Variants in TNXB observed in about 807,000 individuals in gnomAD.
TNXB encodes tenascin XB, also known as tenascin-X.
In TNXB, 183 loss-of-function variants were observed where a neutral mutation model predicts 340.5. That is an observed-to-expected ratio of 0.54 (90% CI 0.48 to 0.61). The LOEUF (loss-of-function observed/expected upper bound fraction) is 0.61, where lower values mean the gene tolerates loss of function less well. Ranked by LOEUF, TNXB falls within the 20% of genes least tolerant of loss-of-function variation. TNXB has a pLI of 0.00. For synonymous variants in TNXB, 2,121 were observed against 2,314.5 expected, an observed-to-expected ratio of 0.92 and a Z score of 2.40; for missense variants, 4,613 against 5,446.4, an observed-to-expected ratio of 0.85 and a Z score of 4.82.
At position 32,081,501 on chromosome 6, in the gene TNXB, CT is replaced by C. The variant is rs1562851618; in HGVS notation, c.3908del (p.Gln1303ArgfsTer25). ...VQYKDAQGQP[Q>X]AVPVAGDENE... The stretch of plus-strand genomic sequence containing the variant: ...TCTCATCCCCCGCAACAGGCACTGC[CT>C]GGGGCTGCCCCTGTGCATCCTTGTA... On this transcript the variant is annotated frameshift_variant, in exon 10 of 44. Coordinates refer to ENST00000644971, the MANE Select transcript of TNXB (RefSeq NM_001365276.2). LOFTEE classifies it high-confidence loss of function. The surrounding 1 kb of genome is among the most constrained non-coding windows in gnomAD (Gnocchi z 5.1). 1 of 1,607,044 alleles carries C rather than the reference CT, an allele frequency of 6.2e-7. No individual in the cohort carries two copies. The highest frequency in any genetic ancestry group is 1.7e-5 in the Admixed American group (1 of 59,036).
Position 32,046,446 on chromosome 6 carries a change from C to T in TNXB, c.10335G>A (p.Glu3445=). ...CCCCCAGGTGGGGAGGTAGCTCCTTCTCCAGGGGAGCTGTGCAGAGGGAGG... is the reference window on the plus strand; with the variant it reads ...CCCCCAGGTGGGGAGGTAGCTCCTTTTCCAGGGGAGCTGTGCAGAGGGAGG... ...ISADSTTAPL[E]KELPPHLGEL... is the part of the protein sequence containing the mutation. Residue 3445 remains glutamate (E), a synonymous_variant, in exon 31 of 44, where the codon GAG becomes GAA. Transcript: ENST00000644971. This position sits in a 1 kb window ranked among gnomAD's most constrained non-coding sequence, Gnocchi z 6.9. 1 of 1,573,528 alleles carries T rather than the reference C, an allele frequency of 6.4e-7. No homozygotes were observed. Among genetic ancestry groups the T allele is most frequent in the Non-Finnish European group, 8.7e-7 (1 of 1,152,794 alleles).
chr6:32,063,154 G>A (rs1307808010), intron 19 of TNXB, among the ~76,000 whole-genome samples: 1 of 152,180 alleles, frequency 6.6e-6, no homozygotes, highest in Non-Finnish European at 1.5e-5. Context: ...TTGGGAGGCC[G>A]AGGCGGGAGG....
At position 32,062,229 on chromosome 6, in the gene TNXB, T is replaced by C. The variant is rs747759124; in HGVS notation, c.7096A>G (p.Lys2366Glu). ...VTISGLEPDN[K>E]YKMNLYGFHG... ...AAGCCGTACAGGTTCATCTTGTACT[T>C]GTTGTCTGGCTCCAGGCCGGAGATG... is the stretch of plus-strand genomic sequence containing the variant. The change falls in exon 20 of 44, where the codon AAG becomes GAG. Residue 2366 changes from lysine to glutamate, a missense_variant. Coordinates refer to ENST00000644971, the MANE Select transcript of TNXB (RefSeq NM_001365276.2). The surrounding 1 kb of genome is among the most constrained non-coding windows in gnomAD (Gnocchi z 4.3). 1 of 1,613,128 alleles carries C rather than the reference T, an allele frequency of 6.2e-7. No individual in the cohort carries two copies. The highest frequency in any genetic ancestry group is 1.3e-5 in the African/African-American group (1 of 74,906).
At chr6:32,050,407 A>C in intron 26 of TNXB, 86 bp from the exon 27 acceptor site, 2 of 1,527,556 alleles carry the variant, frequency 1.3e-6, no homozygotes, top group Non-Finnish European at 1.8e-6. Context: ...AAAGTGCCCA[A>C]GAACAGGACG....
chr6:32,085,994 C>T lies in TNXB; in HGVS notation c.2904G>A (p.Val968=). The change falls in exon 7 of 44, where the codon GTG becomes GTA. Residue 968 remains valine (V), a synonymous_variant. Transcript: ENST00000644971. The surrounding 1 kb of genome is among the most constrained non-coding windows in gnomAD (Gnocchi z 6.4). ...GGCGCCCTGTCTCATCTCTGCCCAG[C>T]ACCCTCAACTCTCCCAGCTCCTGGG... is the stretch of plus-strand genomic sequence containing the variant. ...QRPQELGELR[V]LGRDETGRLR... 3 of 1,607,218 alleles carry T rather than the reference C, an allele frequency of 1.9e-6. No individual in the cohort carries two copies. Among genetic ancestry groups the T allele is most frequent in the Non-Finnish European group, 1.7e-6 (2 of 1,178,496 alleles).
In TNXB at chr6:32,068,802, A is replaced by G. The variant is rs1363186666; in HGVS notation, c.5902+20T>C. 6.3e-7 allele frequency: 1 copy of G among 1,595,888 alleles called. No homozygotes were observed. Among genetic ancestry groups the G allele is most frequent in the Non-Finnish European group, 8.6e-7 (1 of 1,168,806 alleles). ...CTCTCCCAGCCATCTGAAAGGAGGC[A>G]TAGTGGGCAGAGTTCTCACCTGTCA... On this transcript the variant is annotated intron_variant, in intron 16 of 43. Transcript: ENST00000644971. This position sits in a 1 kb window ranked among gnomAD's most constrained non-coding sequence, Gnocchi z 5.3.
At chr6:32,077,864 TA>T (rs1189224785) in intron 11 of TNXB, among the ~76,000 whole-genome samples, 1 of 151,620 alleles carries the variant, frequency 6.6e-6, no homozygotes, top group Non-Finnish European at 1.5e-5. Context: ...CCATCTCTAT[TA>T]AAAATACAAA....
rs1780047642 is a variant in TNXB at position 32,090,982 on chromosome 6, C to T, written c.2359-1603G>A. Among the ~76,000 whole-genome samples the T allele has an allele frequency of 6.6e-6, 1 of 152,186 alleles. No individual in the cohort carries two copies. Among genetic ancestry groups the T allele is most frequent in the Non-Finnish European group, 1.5e-5 (1 of 68,030 alleles). ...CCTATCCCCAGAGTTCTCCTTCTCCCTATATATATCCTTTAGACACTTCTT... is the reference window on the plus strand; with the variant it reads ...CCTATCCCCAGAGTTCTCCTTCTCCTTATATATATCCTTTAGACACTTCTT... On this transcript the variant is annotated intron_variant, in intron 4 of 43. Transcript: ENST00000644971. The surrounding 1 kb of genome is among the most constrained non-coding windows in gnomAD (Gnocchi z 4.3).
At chr6:32,063,928 T>C (rs979317019) in intron 19 of TNXB, among the ~76,000 whole-genome samples, 10 of 152,218 alleles carry the variant, frequency 6.6e-5, no homozygotes, top group African/African-American at 2.4e-4. Flanking sequence ...ATAGTATCCA[T>C]GTTAACAGGA....
Position 32,086,231 on chromosome 6 carries a change from T to C in TNXB, c.2780-113A>G, listed in dbSNP as rs572419950. On this transcript the variant is annotated intron_variant, in intron 6 of 43. Coordinates refer to ENST00000644971, the MANE Select transcript of TNXB (RefSeq NM_001365276.2). ...TCTAAGAGCCTTGTTCTACTTCTACTTCTGGTTCCCTCACCTGGGCCACTC... is the reference window on the plus strand; with the variant it reads ...TCTAAGAGCCTTGTTCTACTTCTACCTCTGGTTCCCTCACCTGGGCCACTC... The C allele has an allele frequency of 1.2e-4, 152 of 1,302,066 alleles. No individual in the cohort carries two copies. In the African/African-American group the frequency reaches 1.9e-3, roughly 16 times the overall value. The allele number at this position is 1,302,066 out of a possible 1,614,324, so 80.7% of individuals were successfully genotyped here.
intron 21 of TNXB, among the ~76,000 whole-genome samples, chr6:32,059,319 T>G (rs1273883499): frequency 6.7e-6 from 1 of 148,608 alleles, no homozygotes; most frequent in Non-Finnish European, 1.5e-5. Flanking sequence ...CTCAGGAGGC[T>G]GAGGCAGGAC....
At position 32,049,638 on chromosome 6, in the gene TNXB, G is replaced by A; in HGVS notation, c.9440-51C>T. On this transcript the variant is annotated intron_variant, in intron 27 of 43. Coordinates refer to ENST00000644971, the MANE Select transcript of TNXB (RefSeq NM_001365276.2). This position sits in a 1 kb window ranked among gnomAD's most constrained non-coding sequence, Gnocchi z 4.5. ...AGTGAGGGGGATGTCCTTGGGTCCT[G>A]GGGAAAAGGAGGGAGAAGCCAAGGC... is the stretch of plus-strand genomic sequence containing the variant. The A allele has an allele frequency of 1.3e-6, 2 of 1,571,338 alleles. No individual in the cohort carries two copies. Among genetic ancestry groups the A allele is most frequent in the Non-Finnish European group, 8.7e-7 (1 of 1,155,604 alleles).
rs1431223984 is a variant in TNXB at position 32,042,768 on chromosome 6, A to C, written c.11989T>G (p.Tyr3997Asp). 98 of 689,016 alleles carry C rather than the reference A, an allele frequency of 1.4e-4. 1 individual carries two copies. Among genetic ancestry groups the C allele is most frequent in the Non-Finnish European group, 1.7e-5 (7 of 414,052 alleles). The allele number at this position is 689,016 out of a possible 1,614,324, so 42.7% of individuals were successfully genotyped here. Residue 3997 changes from tyrosine to aspartate, a missense_variant, in exon 39 of 44, where the codon TAC (tyrosine) becomes GAC (aspartate). By Grantham distance (160) the Tyr-to-Asp change is radical (BLOSUM62 -3). Around this residue, in one of 7 missense-constraint regions of TNXB, gnomAD observed 114 missense variants for 104.5 expected, o/e 1.09. Transcript: ENST00000644971. ...CACATGGCCTGGAGCCGTGCATTGT[A>C]GGAGGTGGAGGGAAAGAGGCCAAGG... ...QLLGLFPSTS[Y>D]NARLQAMWGQ...
chr6:32,063,186 G>C (rs948484418), intron 19 of TNXB, among the ~76,000 whole-genome samples: 3 of 152,212 alleles, frequency 2.0e-5, no homozygotes, highest in African/African-American at 7.2e-5. Context: ...TCAGGAGCTT[G>C]AGACCAGCCT....
Position 32,095,809 on chromosome 6 carries a change from C to A in TNXB, c.2044G>T (p.Glu682Ter). The change falls in exon 3 of 44, where the codon GAG becomes TAG. Residue 682 changes from glutamate (E) to a stop codon, truncating the protein, a stop_gained. Coordinates refer to ENST00000644971, the MANE Select transcript of TNXB (RefSeq NM_001365276.2). LOFTEE classifies it high-confidence loss of function. ...GYGGEDCGQE[E>*]PPASACPGGC... ...CCAGGGCAGGCGCTGGCTGGAGGCT[C>A]TTCCTGCCCGCAGTCCTCACCGCCA... 4 of 1,612,718 alleles carry A rather than the reference C, an allele frequency of 2.5e-6. No homozygotes were observed. The highest frequency in any genetic ancestry group is 2.2e-5 in the South Asian group (2 of 90,994).
rs568613138 is a variant in TNXB, at chr6:32,081,443, G to A, written c.3967C>T (p.Arg1323Trp). 22 of 1,577,728 alleles carry A rather than the reference G, an allele frequency of 1.4e-5. No individual in the cohort carries two copies. The highest frequency in any genetic ancestry group is 1.7e-5 in the Non-Finnish European group (20 of 1,161,676). Residue 1323 changes from arginine (R) to tryptophan (W), a missense_variant, in exon 10 of 44, where the codon CGG becomes TGG. This residue lies in a region of TNXB where 4,327 missense variants were observed against 4,859.4 expected (regional missense o/e 0.89). Coordinates refer to ENST00000644971, the MANE Select transcript of TNXB (RefSeq NM_001365276.2). This position sits in a 1 kb window ranked among gnomAD's most constrained non-coding sequence, Gnocchi z 5.1. ...CCGTAGAGGTTCATCTTATACTTCC[G>A]GTCGGGATCCAGGCCGGGGACAGTA... ...EVTVPGLDPD[R>W]KYKMNLYGLR... is the part of the protein sequence containing the mutation.
At chr6:32,059,039 T>G (rs1777854982) in intron 21 of TNXB, among the ~76,000 whole-genome samples, 2 of 151,812 alleles carry the variant, frequency 1.3e-5, no homozygotes, top group African/African-American at 4.9e-5. Flanking sequence ...GGGGAGAAAG[T>G]AGGACTATGA....
Position 32,097,782 on chromosome 6 carries a change from G to A in TNXB, c.403+14C>T. ...ACCCCACCTCTCCACCCTCTTCTGT[G>A]ATCACCTGCTCACCTGTGCCAGCTT... On this transcript the variant is annotated intron_variant, in intron 2 of 43. Coordinates refer to ENST00000644971, the MANE Select transcript of TNXB (RefSeq NM_001365276.2). This position sits in a 1 kb window ranked among gnomAD's most constrained non-coding sequence, Gnocchi z 5.9. The A allele has an allele frequency of 6.7e-7, 1 of 1,498,420 alleles. No homozygotes were observed. The highest frequency in any genetic ancestry group is 8.9e-7 in the Non-Finnish European group (1 of 1,123,270). 92.8% of individuals were successfully genotyped at this position (1,498,420 alleles called of 1,614,324 possible).
In TNXB at chr6:32,044,217, G is replaced by A. The variant is rs533020881; in HGVS notation, c.11264-88C>T. The A allele has an allele frequency of 8.9e-6, 10 of 1,118,536 alleles. 1 individual carries two copies. The highest frequency in any genetic ancestry group is 3.0e-4 in the Middle Eastern group (1 of 3,330). The allele number at this position is 1,118,536 out of a possible 1,614,324, so 69.3% of individuals were successfully genotyped here. ...CCCCCTCGCCTCTGCTCCAGCACAGGCTCACCACCCCTTTTCCTCTAGTCC... is the reference window on the plus strand; with the variant it reads ...CCCCCTCGCCTCTGCTCCAGCACAGACTCACCACCCCTTTTCCTCTAGTCC... On this transcript the variant is annotated intron_variant, in intron 33 of 43. Coordinates refer to ENST00000644971, the MANE Select transcript of TNXB (RefSeq NM_001365276.2).
Sources: allele counts gnomAD v4.1 joint callset (sites outside exome capture counted in the v4.1 genomes callset), GRCh38; gene constraint gnomAD v4.1.1; regional missense constraint gnomAD v4.1.1; non-coding constraint Gnocchi (gnomAD v3.1); transcripts MANE v1.5; gene names NCBI Gene and HGNC (gene_info 2026-07-23, HGNC 2026-07-21).